Variants in IK observed in about 807,000 individuals in gnomAD.
IK encodes the protein IK cytokine, also known as protein Red.
Under a neutral mutation model 90.9 loss-of-function variants are expected in IK, and 47 were observed. The observed-to-expected ratio is 0.52, with a 90% confidence interval of 0.41 to 0.66. IK has a LOEUF of 0.66. IK is among the 30% of genes least tolerant of loss of function. The pLI, the probability that IK is intolerant of heterozygous loss-of-function variation, is 0.00. For synonymous variants in IK, 201 were observed against 227.5 expected, an observed-to-expected ratio of 0.88 and a Z score of 1.05; for missense variants, 385 against 709.3, an observed-to-expected ratio of 0.54 and a Z score of 5.19.
rs1375053546 is a variant in IK, at chr5:140,655,877, A to C, written c.686A>C (p.Asn229Thr). The C allele has an allele frequency of 1.4e-5, 23 of 1,608,026 alleles. No homozygotes were observed. The highest frequency in any genetic ancestry group is 1.9e-5 in the Non-Finnish European group (22 of 1,177,056). ...TTTAAGAGCAAAGCATATGAGCGGAATGAGTTGTTCCTGCCGGGCCGCATG... is the reference window on the plus strand; with the variant it reads ...TTTAAGAGCAAAGCATATGAGCGGACTGAGTTGTTCCTGCCGGGCCGCATG... ...MLFKSKAYERNELFLPGRMAY... is the reference protein window; with the variant it reads ...MLFKSKAYERTELFLPGRMAY... Residue 229 changes from asparagine to threonine, a missense_variant, in exon 9 of 20, where the codon AAT becomes ACT. Coordinates refer to ENST00000417647, the MANE Select transcript of IK (RefSeq NM_006083.4).
chr5:140,648,431 G>A (rs993784776), intron 1 of IK, 40 bp from the exon 2 acceptor site: 15 of 1,596,528 alleles, frequency 9.4e-6, no homozygotes, highest in Non-Finnish European at 1.2e-5. Flanking sequence ...GATCTGACAC[G>A]TAAGAGACTG....
Position 140,659,148 on chromosome 5 carries a change from C to T in IK, c.1160C>T (p.Pro387Leu), listed in dbSNP as rs1339577075. The T allele has an allele frequency of 1.2e-5, 19 of 1,590,122 alleles. No homozygotes were observed. The highest frequency in any genetic ancestry group is 1.8e-5 in the Admixed American group (1 of 54,548). Residue 387 changes from proline to leucine, a missense_variant, in exon 12 of 20, where the codon CCA (proline) becomes CTA (leucine). Around this residue, in one of 8 missense-constraint regions of IK, gnomAD observed 139 missense variants for 172.0 expected, o/e 0.81. Coordinates refer to ENST00000417647, the MANE Select transcript of IK (RefSeq NM_006083.4). ...AAGAGACACAGCTACTTTGAGAAGC[C>T]AAAAGTAGATGATGAGGTGAGATGT... ...EKKRHSYFEK[P>L]KVDDEPMDVD...
Position 140,659,093 on chromosome 5 carries a change from G to A in IK, c.1105G>A (p.Glu369Lys). 1 of 1,612,438 alleles carries A rather than the reference G, an allele frequency of 6.2e-7. No homozygotes were observed. The highest frequency in any genetic ancestry group is 8.5e-7 in the Non-Finnish European group (1 of 1,179,094). Residue 369 changes from glutamate (E) to lysine (K), a missense_variant, in exon 12 of 20, where the codon GAG becomes AAG. Glu to Lys is a moderately conservative substitution (Grantham distance 56, BLOSUM62 1). Transcript: ENST00000417647. ...AGAACGAGATCGGGAACGAGAGCGA[G>A]AGCGGGACCGAGAGAGAGAAGAGGA... ...ERERDRERER[E>K]RDREREEEKK...
chr5:140,658,607 A>C (rs1391343009), intron 10 of IK, 130 bp from the exon 11 acceptor site: 1 of 760,348 alleles, frequency 1.3e-6, no homozygotes, highest in East Asian at 2.8e-5. Context: ...GGCGTGAGCC[A>C]CCGCACCCAG....
In IK at chr5:140,659,168, A is replaced by C. The variant is rs201690566; in HGVS notation, c.1176+4A>C. On this transcript the variant is annotated splice_donor_region_variant and intron_variant, in intron 12 of 19. Coordinates refer to ENST00000417647, the MANE Select transcript of IK (RefSeq NM_006083.4). ...GAAGCCAAAAGTAGATGATGAGGTG[A>C]GATGTGGGCCCTTAGTACCAGGTGA... 1.0e-4 allele frequency: 160 copies of C among 1,588,874 alleles called. 1 individual carries two copies. The highest frequency in any genetic ancestry group is 1.1e-4 in the South Asian group (10 of 88,716).
chr5:140,649,989 A>G (rs906456331), intron 2 of IK, among the ~76,000 whole-genome samples: 1 of 152,138 alleles, frequency 6.6e-6, no homozygotes, highest in Non-Finnish European at 1.5e-5. Context: ...AGTGTTTCTG[A>G]GATTATCTTT....
intron 10 of IK, among the ~76,000 whole-genome samples, chr5:140,658,127 G>GTAGGCACTA (rs544442683): frequency 1.3e-5 from 2 of 151,882 alleles, no homozygotes; most frequent in Non-Finnish European, 2.9e-5. Flanking sequence ...AGCCTCCCAA[G>GTAGGCACTA]TAGGCACTAT....
chr5:140,658,063 G>T (rs922557082), intron 10 of IK, among the ~76,000 whole-genome samples: 10 of 151,900 alleles, frequency 6.6e-5, no homozygotes, highest in Non-Finnish European at 1.0e-4. Context: ...ACAGTGGTGC[G>T]ATGTCTGCTC....
At position 140,660,292 on chromosome 5, in the gene IK, C is replaced by CTTTTTTTT. The variant is rs200714869; in HGVS notation, c.1355+112_1355+119dup. ...GATTCGCTAAGTCCCAGGGCTACTT[C>CTTTTTTTT]TTTTTTTTTTTTTTTTTTTTTTGGA... On this transcript the variant is annotated intron_variant, in intron 15 of 19. Coordinates refer to ENST00000417647, the MANE Select transcript of IK (RefSeq NM_006083.4). 940 of 282,902 alleles carry CTTTTTTTT rather than the reference C, an allele frequency of 3.3e-3. 69 individuals are homozygous for CTTTTTTTT. Among genetic ancestry groups the CTTTTTTTT allele is most frequent in the African/African-American group, 0.021 (399 of 19,440 alleles). The allele number at this position is 282,902 out of a possible 1,614,324, so 17.5% of individuals were successfully genotyped here.
chr5:140,651,379 C>T (rs1390246317), intron 2 of IK, among the ~76,000 whole-genome samples: 1 of 150,172 alleles, frequency 6.7e-6, no homozygotes, highest in African/African-American at 2.5e-5. Flanking sequence ...GCAGAGGTTG[C>T]AGTGGGCTGA....
intron 13 of IK, 75 bp from the exon 14 acceptor site, chr5:140,659,681 T>TAA (rs1757768724): frequency 8.5e-6 from 8 of 943,318 alleles, no homozygotes. Context: ...TTAAAAATGT[T>TAA]TTTTAAGTGT....
rs377060640 is a variant in IK at position 140,649,641 on chromosome 5, T to G, written c.83+1104T>G. ...ACCTTTGCCTCCTGGGCTCAAGCAA[T>G]TCTTCTGCCTCAGTTTCCCCAGTAG... is the stretch of plus-strand genomic sequence containing the variant. On this transcript the variant is annotated intron_variant, in intron 2 of 19. Transcript: ENST00000417647. Among the ~76,000 whole-genome samples the G allele has an allele frequency of 1.7e-4, 26 of 152,354 alleles. No homozygotes were observed. In the East Asian group the frequency reaches 2.3e-3, roughly 14 times the overall value.
intron 14 of IK, 44 bp from the exon 15 acceptor site, chr5:140,660,071 C>A: frequency 6.5e-7 from 1 of 1,548,650 alleles, no homozygotes; most frequent in Non-Finnish European, 8.9e-7. Context: ...AGCTTTACAG[C>A]AATAGGTAGA....
intron 4 of IK, 64 bp from the exon 5 acceptor site, chr5:140,652,913 C>T: frequency 6.7e-7 from 1 of 1,491,764 alleles, no homozygotes; most frequent in South Asian, 1.2e-5. Flanking sequence ...CAAGCAGGAA[C>T]AGTTCTGTTG....
At position 140,657,655 on chromosome 5, in the gene IK, G is replaced by A; in HGVS notation, c.903G>A (p.Lys301=). 1.9e-6 allele frequency: 3 copies of A among 1,605,514 alleles called. No individual in the cohort carries two copies. The highest frequency in any genetic ancestry group is 1.3e-5 in the African/African-American group (1 of 74,826). ...QGTRNKKLKK[K]DKGKLEEKKP... ...CCCGTAACAAGAAGCTTAAGAAGAA[G>A]GATAAAGGTACCTGGAGGGTTAGAG... is the stretch of plus-strand genomic sequence containing the variant. Residue 301 remains lysine, a synonymous_variant, in exon 10 of 20, where the codon AAG becomes AAA. Coordinates refer to ENST00000417647, the MANE Select transcript of IK (RefSeq NM_006083.4).
intron 7 of IK, 47 bp downstream of exon 7, chr5:140,654,633 T>G: frequency 6.3e-7 from 1 of 1,582,334 alleles, no homozygotes; most frequent in Non-Finnish European, 8.6e-7. Flanking sequence ...AGGTGGGACC[T>G]AAAGTTAGAG....
In IK at chr5:140,661,668, G is replaced by C; in HGVS notation, c.1462G>C (p.Glu488Gln). ...LGRWDFDTQEEYSEYMNNKEA... is the reference protein window; with the variant it reads ...LGRWDFDTQEQYSEYMNNKEA... ...CCGTTGGGACTTTGATACCCAGGAA[G>C]AATACAGCGAGTATATGAACAACAA... The change falls in exon 17 of 20, where the codon GAA becomes CAA. Residue 488 changes from glutamate to glutamine, a missense_variant. Glu to Gln is a conservative substitution (Grantham distance 29, BLOSUM62 2). This residue lies in a region of IK where 23 missense variants were observed against 115.2 expected (regional missense o/e 0.20). Transcript: ENST00000417647. This position sits in a 1 kb window ranked among gnomAD's most constrained non-coding sequence, Gnocchi z 4.2. 6.2e-7 allele frequency: 1 copy of C among 1,610,550 alleles called. No individual in the cohort carries two copies. Among genetic ancestry groups the C allele is most frequent in the Non-Finnish European group, 8.5e-7 (1 of 1,178,398 alleles).
intron 14 of IK, 24 bp downstream of exon 14, chr5:140,659,858 C>T (rs765687479): frequency 6.5e-7 from 1 of 1,531,400 alleles, no homozygotes; most frequent in South Asian, 1.2e-5. Context: ...TAATACGTTC[C>T]TGGGTTCCAG....
intron 2 of IK, among the ~76,000 whole-genome samples, chr5:140,649,402 A>G (rs1292880680): frequency 6.7e-6 from 1 of 148,416 alleles, no homozygotes; most frequent in East Asian, 2.0e-4. Context: ...TTTAGTAGAG[A>G]CAGGGTTTCA....
Sources: allele counts gnomAD v4.1 joint callset (sites outside exome capture counted in the v4.1 genomes callset), GRCh38; gene constraint gnomAD v4.1.1; regional missense constraint gnomAD v4.1.1; non-coding constraint Gnocchi (gnomAD v3.1); transcripts MANE v1.5; gene names NCBI Gene and HGNC (gene_info 2026-07-23, HGNC 2026-07-21).